GSTA2: variants seen among roughly 807,000 people sequenced by gnomAD.
GSTA2 encodes the protein glutathione S-transferase alpha 2, also known as glutathione S-transferase A2.
A neutral mutation model predicts 22.4 loss-of-function variants in GSTA2; 27 were observed. The ratio of observed to expected loss-of-function variants is 1.21; its 90% CI spans 0.89 to 1.67. GSTA2 has a LOEUF of 1.67. Ranked by LOEUF, GSTA2 falls within the 40% of genes most tolerant of loss-of-function variation. The pLI is 0.00. For missense variants in GSTA2, 302 were observed against 260.2 expected (o/e 1.16, Z -1.11); for synonymous variants, 121 against 86.8 (o/e 1.39, Z -2.19).
chr6:52,752,780 C>T (rs1762766638), intron 5 of GSTA2, 74 bp downstream of exon 5: 1 of 1,579,482 alleles, frequency 6.3e-7, no homozygotes, highest in Non-Finnish European at 8.7e-7. Flanking sequence ...ATCAGTGCCC[C>T]AGGAATGCCC....
chr6:52,756,767 C>A (rs189330304), intron 2 of GSTA2, among the ~76,000 whole-genome samples: 2,722 of 152,350 alleles, frequency 0.018, 87 homozygotes, highest in African/African-American at 0.061. Context: ...TGTATCGCCC[C>A]ACTTCTCAGG....
rs115022958 is a variant in GSTA2 at position 52,754,889 on chromosome 6, G to A, written c.272+54C>T. ...CCATGGTCCCACCCACTCAAGGAAG[G>A]ACCTAAATCACTCTATGTTCTCTGT... On this transcript the variant is annotated intron_variant, in intron 4 of 6. Coordinates refer to ENST00000493422, the MANE Select transcript of GSTA2 (RefSeq NM_000846.5). 4.3e-3 allele frequency: 6,962 copies of A among 1,610,066 alleles called. 188 individuals carry two copies. The African/African-American group carries it at 0.072, about 17-fold the overall frequency.
intron 1 of GSTA2, among the ~76,000 whole-genome samples, chr6:52,760,705 T>G (rs973488335): frequency 6.6e-6 from 1 of 152,154 alleles, no homozygotes; most frequent in African/African-American, 2.4e-5. Context: ...TCCTATTCAA[T>G]GTATATTAGC....
At chr6:52,759,595 T>TTTTTTTTTTTTTTA (rs1762918323) in intron 1 of GSTA2, among the ~76,000 whole-genome samples, 1 of 63,814 alleles carries the variant, frequency 1.6e-5, no homozygotes, top group Admixed American at 2.7e-4. Context: ...TTTTTTTTTT[T>TTTTTTTTTTTTTTA]TTTTTTGAGA....
chr6:52,751,660 G>T lies in GSTA2; in HGVS notation c.463C>A (p.Arg155=), dbSNP rs146304331. ...AGTTCCACCAGGTGAATGTCAGCCC[G>T]GCTCAGCTTGTTGCCAACAAGGTAG... The part of the protein sequence containing the change: ...QDYLVGNKLS[R]ADIHLVELLY... The change falls in exon 6 of 7, where the codon CGG becomes AGG. Residue 155 remains arginine (R), a synonymous_variant. Transcript: ENST00000493422. 6 of 1,614,004 alleles carry T rather than the reference G, an allele frequency of 3.7e-6. No individual in the cohort carries two copies. The highest frequency in any genetic ancestry group is 3.3e-5 in the Admixed American group (2 of 59,998).
intron 1 of GSTA2, among the ~76,000 whole-genome samples, chr6:52,763,185 C>T (rs143865469): frequency 0.036 from 5,453 of 152,042 alleles, 126 homozygotes; most frequent in Middle Eastern, 0.078. Flanking sequence ...CTTTTTTCTC[C>T]TCATGTCATT....
intron 5 of GSTA2, 152 bp downstream of exon 5, chr6:52,752,702 A>G (rs113958015): frequency 0.048 from 45,326 of 948,044 alleles, 1,213 homozygotes; most frequent in Middle Eastern, 0.12. Flanking sequence ...CTCCAAGTCT[A>G]TTTTCATAAA....
intron 2 of GSTA2, among the ~76,000 whole-genome samples, chr6:52,756,803 G>A (rs143038217): frequency 0.018 from 2,752 of 152,332 alleles, 86 homozygotes; most frequent in African/African-American, 0.061. Flanking sequence ...GACATAGGTC[G>A]CCACTGTTGC....
chr6:52,753,620 T>A (rs917495312), intron 4 of GSTA2, among the ~76,000 whole-genome samples: 1 of 139,890 alleles, frequency 7.1e-6, no homozygotes, highest in Admixed American at 7.5e-5. Flanking sequence ...ACCCCTTCCC[T>A]GGTGAAATTC....
intron 1 of GSTA2, among the ~76,000 whole-genome samples, chr6:52,761,986 T>G (rs765893108): frequency 4.4e-4 from 65 of 146,654 alleles, no homozygotes; most frequent in Non-Finnish European, 7.5e-4. Context: ...CACAGAAACA[T>G]GTACTGTGTG....
intron 6 of GSTA2, 101 bp from the exon 7 acceptor site, chr6:52,750,800 AG>A (rs1395654348): frequency 1.4e-6 from 2 of 1,457,836 alleles, no homozygotes; most frequent in Admixed American, 4.3e-5. Context: ...CCAAAGACCA[AG>A]TGAGTCGCTT....
At chr6:52,759,559 A>ATTTT (rs1561897333) in intron 1 of GSTA2, among the ~76,000 whole-genome samples, 7 of 30,924 alleles carry the variant, frequency 2.3e-4, no homozygotes, top group Non-Finnish European at 3.6e-4. Flanking sequence ...TAATGTATTT[A>ATTTT]TTTGTTTTTT....
At chr6:52,754,195 A>T (rs1762798163) in intron 4 of GSTA2, among the ~76,000 whole-genome samples, 1 of 152,208 alleles carries the variant, frequency 6.6e-6, no homozygotes, top group South Asian at 2.1e-4. Flanking sequence ...TCACTTATGT[A>T]AAATATATAG....
intron 4 of GSTA2, 80 bp from the exon 5 acceptor site, chr6:52,753,075 G>A (rs1435009402): frequency 3.6e-6 from 5 of 1,400,620 alleles, no homozygotes; most frequent in Non-Finnish European, 4.8e-6. Flanking sequence ...AGAGAGTAGA[G>A]TATCAGGTGA....
At chr6:52,760,588 G>T (rs111978285) in intron 1 of GSTA2, among the ~76,000 whole-genome samples, 2,755 of 152,194 alleles carry the variant, frequency 0.018, 86 homozygotes, top group African/African-American at 0.061. Context: ...TGCTGCACAC[G>T]TGGTGAGTGT....
intron 3 of GSTA2, 76 bp from the exon 4 acceptor site, chr6:52,755,151 T>G: frequency 4.4e-6 from 7 of 1,575,330 alleles, no homozygotes; most frequent in Non-Finnish European, 4.3e-6. Flanking sequence ...AAATGGTTGT[T>G]GAAATGACTA....
chr6:52,756,973 T>C (rs1282587491), intron 2 of GSTA2, among the ~76,000 whole-genome samples: 10 of 148,026 alleles, frequency 6.8e-5, no homozygotes, highest in East Asian at 6.0e-4. Context: ...TGGGGAATGC[T>C]TGTGTGTTCT....
intron 3 of GSTA2, 123 bp from the exon 4 acceptor site, chr6:52,755,198 G>T: frequency 1.6e-5 from 19 of 1,204,692 alleles, no homozygotes; most frequent in Non-Finnish European, 2.0e-5. Flanking sequence ...TGCCTGGTAA[G>T]AGTTCACTTG....
intron 1 of GSTA2, among the ~76,000 whole-genome samples, chr6:52,759,559 A>ATTTTT (rs1561897333): frequency 6.5e-5 from 2 of 30,926 alleles, no homozygotes; most frequent in Non-Finnish European, 1.2e-4. Flanking sequence ...TAATGTATTT[A>ATTTTT]TTTGTTTTTT....
Sources: gnomAD v4.1 joint callset for allele counts (sites outside exome capture counted in the v4.1 genomes callset) on GRCh38, gnomAD v4.1.1 for gene constraint, MANE v1.5 for transcripts, NCBI Gene and HGNC (gene_info 2026-07-23, HGNC 2026-07-21) for gene names.